The following NMBR variants were observed in gnomAD, a reference collection of about 807,000 sequenced individuals.
NMBR encodes the protein neuromedin B receptor.
Under a neutral mutation model 20.5 loss-of-function variants are expected in NMBR, and 16 were observed. The ratio of observed to expected loss-of-function variants is 0.78; its 90% confidence interval spans 0.53 to 1.19. NMBR has a LOEUF of 1.19. Ranked by LOEUF, NMBR falls within the 50% of genes most tolerant of loss-of-function variation. The pLI is 0.00. For missense variants in NMBR, 582 were observed against 499.1 expected, an observed-to-expected ratio of 1.17 and a Z score of -1.58; for synonymous variants, 212 against 196.6, an observed-to-expected ratio of 1.08 and a Z score of -0.65.
At chr6:142,115,634 T>G (rs1181321361) in intron 1 of NMBR, among the ~76,000 whole-genome samples, 2 of 117,688 alleles carry the variant, frequency 1.7e-5, no homozygotes, top group Non-Finnish European at 4.1e-5. Flanking sequence ...ACTACACTAG[T>G]GTAGAAGTGG....
intron 2 of NMBR, among the ~76,000 whole-genome samples, chr6:142,087,235 T>C (rs73575985): frequency 0.024 from 3,581 of 152,292 alleles, 156 homozygotes; most frequent in African/African-American, 0.08. Context: ...TACAGACTTA[T>C]TTTTCATTAG....
Position 142,088,374 on chromosome 6 carries a change from G to T in NMBR, c.285C>A (p.Thr95=). The part of the protein sequence containing the change: ...LAAGDLLLLL[T]CVPVDASRYF... ...AGCGCGAGGCGTCCACCGGGACGCA[G>T]GTGAGCAGCAGCAGCAAGTCCCCGG... is the stretch of plus-strand genomic sequence containing the variant. The change falls in exon 2 of 4, where the codon ACC becomes ACA. Residue 95 remains threonine, a synonymous_variant. Transcript: ENST00000258042. 1.2e-6 allele frequency: 2 copies of T among 1,614,170 alleles called. No homozygotes were observed. Among genetic ancestry groups the T allele is most frequent in the Non-Finnish European group, 1.7e-6 (2 of 1,180,036 alleles).
rs558400624 is a variant in NMBR at position 142,094,116 on chromosome 6, T to G, written c.-663-4795A>C. Reference sequence around the variant, plus strand: ...TCTGTAGGTTGCCTGTTCACTCTGATGGTAGTTTCTTTTGCTGTGCCGAAG... The same window carrying G: ...TCTGTAGGTTGCCTGTTCACTCTGAGGGTAGTTTCTTTTGCTGTGCCGAAG... On this transcript the variant is annotated intron_variant, in intron 1 of 3. Coordinates refer to ENST00000258042, the MANE Select transcript of NMBR (RefSeq NM_002511.4). Among the ~76,000 whole-genome samples the G allele has an allele frequency of 2.3e-4, 35 of 152,260 alleles. 1 individual carries two copies. The South Asian group carries it at 7.0e-3, about 31-fold the overall frequency.
chr6:142,119,197 A>G (rs1230225471), intron 1 of NMBR, among the ~76,000 whole-genome samples: 2 of 152,040 alleles, frequency 1.3e-5, no homozygotes, highest in African/African-American at 4.8e-5. Flanking sequence ...ATGGAGGGCT[A>G]TGCTCAGTGA....
intron 1 of NMBR, among the ~76,000 whole-genome samples, chr6:142,142,616 G>C (rs1778377607): frequency 6.6e-6 from 1 of 151,802 alleles, no homozygotes; most frequent in Non-Finnish European, 1.5e-5. Context: ...TTTTCCATTT[G>C]TGTTTAACGT....
intron 1 of NMBR, among the ~76,000 whole-genome samples, chr6:142,135,700 G>C (rs913227525): frequency 2.0e-5 from 3 of 149,412 alleles, no homozygotes; most frequent in African/African-American, 7.4e-5. Flanking sequence ...TTGTGTCCAT[G>C]TGTTCTCATT....
chr6:142,132,448 C>G (rs985844307), intron 1 of NMBR, among the ~76,000 whole-genome samples: 1 of 152,142 alleles, frequency 6.6e-6, no homozygotes, highest in Non-Finnish European at 1.5e-5. Flanking sequence ...AGCTCCTGGC[C>G]TTGCCTTAAT....
intron 1 of NMBR, among the ~76,000 whole-genome samples, chr6:142,091,367 G>T (rs548625573): frequency 6.6e-6 from 1 of 152,222 alleles, no homozygotes; most frequent in South Asian, 2.1e-4. Flanking sequence ...GGGACCGCAA[G>T]TGTGCCCCAC....
chr6:142,134,962 T>C (rs1778224278), intron 1 of NMBR: 1 of 506,126 alleles, frequency 2.0e-6, no homozygotes, highest in African/African-American at 2.0e-5. Context: ...TTATTTATCA[T>C]TTTTATTTAG....
chr6:142,082,688 G>T (rs1777122834), intron 2 of NMBR, among the ~76,000 whole-genome samples: 1 of 152,154 alleles, frequency 6.6e-6, no homozygotes, highest in Admixed American at 6.5e-5. Context: ...CCTGCAAGGT[G>T]CAGTGCAATG....
intron 1 of NMBR, among the ~76,000 whole-genome samples, chr6:142,116,480 T>C (rs1286583336): frequency 6.6e-6 from 1 of 151,970 alleles, no homozygotes; most frequent in Non-Finnish European, 1.5e-5. Flanking sequence ...GGACCATACA[T>C]CCACTAATAG....
intron 1 of NMBR, among the ~76,000 whole-genome samples, chr6:142,128,470 T>A (rs1036113732): frequency 6.6e-6 from 1 of 152,050 alleles, no homozygotes; most frequent in East Asian, 1.9e-4. Flanking sequence ...AGCTTGCAGT[T>A]TTTTTTCCAT....
At chr6:142,085,703 C>T (rs7756224) in intron 2 of NMBR, among the ~76,000 whole-genome samples, 68,960 of 151,776 alleles carry the variant, frequency 0.45, 15,926 homozygotes, top group East Asian at 0.74. Context: ...CTCCACTTCA[C>T]ATTGGAATAT....
intron 1 of NMBR, among the ~76,000 whole-genome samples, chr6:142,100,928 G>C (rs1777549977): frequency 1.3e-5 from 2 of 152,102 alleles, no homozygotes. Context: ...AAAGAGAATT[G>C]TATTTTCCAC....
chr6:142,128,022 T>C (rs936888610), intron 1 of NMBR, among the ~76,000 whole-genome samples: 9 of 152,086 alleles, frequency 5.9e-5, no homozygotes, highest in Non-Finnish European at 1.3e-4. Context: ...TGAATTGTAA[T>C]CCTCAATGTT....
At position 142,075,633 on chromosome 6, in the gene NMBR, G is replaced by A; in HGVS notation, c.*15C>T. 2.5e-6 allele frequency: 4 copies of A among 1,592,130 alleles called. No homozygotes were observed. In the South Asian group the frequency reaches 3.4e-5, roughly 14 times the overall value. The stretch of plus-strand genomic sequence containing the variant: ...TTACTAAGTTCTCTCCAGGTAGTGA[G>A]TTGAATGGCCAAAATCACAGTGCCA... On this transcript the variant is annotated 3_prime_UTR_variant, in exon 4 of 4. Coordinates refer to ENST00000258042, the MANE Select transcript of NMBR (RefSeq NM_002511.4).
chr6:142,147,109 A>G lies in NMBR; in HGVS notation c.-729T>C, dbSNP rs1425887084. 9.5e-6 allele frequency: 6 copies of G among 633,808 alleles called. No homozygotes were observed. In the African/African-American group the frequency reaches 1.1e-4, roughly 12 times the overall value. The allele number at this position is 633,808 out of a possible 1,614,324, so 39.3% of individuals were successfully genotyped here. A position where few individuals can be genotyped will look rare whatever the true frequency, so the allele number is the denominator to read the frequency against. On this transcript the variant is annotated 5_prime_UTR_variant, in exon 1 of 4. Coordinates refer to ENST00000258042, the MANE Select transcript of NMBR (RefSeq NM_002511.4). ...AATGCTCGGGTCTTCTGTGGGTTCTAACCGCCGAGAGCCAAGCACCCTGAG... is the reference window on the plus strand; with the variant it reads ...AATGCTCGGGTCTTCTGTGGGTTCTGACCGCCGAGAGCCAAGCACCCTGAG...
intron 1 of NMBR, chr6:142,134,404 T>C (rs949563658): frequency 2.4e-5 from 11 of 452,206 alleles, no homozygotes; most frequent in African/African-American, 1.4e-4. Context: ...TTAAGACACA[T>C]ATAAGATTTT....
chr6:142,093,378 C>T (rs1012063292), intron 1 of NMBR, among the ~76,000 whole-genome samples: 8 of 145,828 alleles, frequency 5.5e-5, no homozygotes, highest in African/African-American at 1.8e-4. Context: ...GTTCAATTCC[C>T]ACCTATGAGT....
Sources: gnomAD v4.1 joint callset for allele counts (sites outside exome capture counted in the v4.1 genomes callset) on GRCh38, gnomAD v4.1.1 for gene constraint, MANE v1.5 for transcripts, NCBI Gene and HGNC (gene_info 2026-07-23, HGNC 2026-07-21) for gene names.